TMEM175: variants seen among roughly 807,000 people sequenced by gnomAD.
TMEM175 encodes the protein endosomal/lysosomal proton channel TMEM175.
Under a neutral mutation model 36.5 loss-of-function variants are expected in TMEM175, and 36 were observed. The observed-to-expected ratio is 0.99, with a 90% CI of 0.76 to 1.30. The LOEUF is 1.30. TMEM175 is among the 50% of genes most tolerant of loss of function. The pLI is 0.00. For synonymous variants in TMEM175, 339 were observed against 313.4 expected (o/e 1.08, Z -0.86); for missense variants, 705 against 692.8 (o/e 1.02, Z -0.20).
At chr4:948,202 AG>A in intron 3 of TMEM175, 48 bp downstream of exon 3, 1 of 1,613,858 alleles carries the variant, frequency 6.2e-7, no homozygotes, top group Non-Finnish European at 8.5e-7. Flanking sequence ...GCGAAGATAT[AG>A]GGTCCCCGAG....
intron 1 of TMEM175, among the ~76,000 whole-genome samples, chr4:941,123 AT>A (rs1203551313): frequency 2.0e-5 from 3 of 150,358 alleles, no homozygotes; most frequent in Admixed American, 6.6e-5. Flanking sequence ...CACGCCTGTA[AT>A]CCCAACACTT....
rs756516977 is a variant in TMEM175 at position 955,799 on chromosome 4, G to C, written c.751G>C (p.Asp251His). ...SAHPVEVFSFDLHEPLSKERV... is the reference protein window; with the variant it reads ...SAHPVEVFSFHLHEPLSKERV... ...TCACCCAGTGGAAGTCTTCTCGTTT[G>C]ACCTCCACGAGCCACTCAGCAAGGA... Residue 251 changes from aspartate (D) to histidine (H), a missense_variant, in exon 10 of 11, where the codon GAC becomes CAC. By Grantham distance (81) the Asp-to-His change is moderately conservative. Transcript: ENST00000264771. 24 of 1,613,502 alleles carry C rather than the reference G, an allele frequency of 1.5e-5. No individual in the cohort carries two copies. The highest frequency in any genetic ancestry group is 2.0e-5 in the Non-Finnish European group (24 of 1,179,940).
rs561037696 is a variant in TMEM175, at chr4:936,195, T to C, written c.-32+3655T>C. 2.5e-4 allele frequency among the ~76,000 whole-genome samples: 38 copies of C among 151,536 alleles called. 1 individual carries two copies. In the East Asian group the frequency reaches 7.4e-3, roughly 29 times the overall value. ...ACTAAAAATACAAAAATTAGCTGGG[T>C]GTAGCAGTGCATGCCTGTGCACGCC... On this transcript the variant is annotated intron_variant, in intron 1 of 10. Transcript: ENST00000264771.
chr4:958,049 A>G lies in TMEM175; in HGVS notation c.1068A>G (p.Pro356=), dbSNP rs1328460429. 1.2e-6 allele frequency: 2 copies of G among 1,610,852 alleles called. No individual in the cohort carries two copies. The highest frequency in any genetic ancestry group is 1.7e-5 in the Admixed American group (1 of 59,986). The change falls in exon 11 of 11, where the codon CCA becomes CCG. Residue 356 remains proline (P), a synonymous_variant. Transcript: ENST00000264771. ...CGCTGGCCTTCGTGGGTGGCCTCCC[A>G]CTAGCCTACCAGCAGACCTCGGCCT... The part of the protein sequence containing the change: ...TLSLAFVGGL[P]LAYQQTSAFA...
At chr4:948,265 T>C in intron 3 of TMEM175, 111 bp downstream of exon 3, 2 of 1,605,304 alleles carry the variant, frequency 1.2e-6, no homozygotes, top group South Asian at 2.2e-5. Flanking sequence ...CTTCTGAGGC[T>C]TAGGAGGCAG....
chr4:953,382 C>T (rs1293347332), intron 8 of TMEM175, 28 bp downstream of exon 8: 1 of 1,575,286 alleles, frequency 6.3e-7, no homozygotes, highest in East Asian at 2.3e-5. Context: ...CCGTGGGGCC[C>T]AGGCAGGAAC....
In TMEM175 at chr4:940,960, T is replaced by C. The variant is rs1390829873; in HGVS notation, c.-31-6749T>C. ...GTCGGAGGTTGCAGTGAGCCAAGAT[T>C]GTGCCACTGCACTCCAGCCTGGGTG... On this transcript the variant is annotated intron_variant, in intron 1 of 10. Coordinates refer to ENST00000264771, the MANE Select transcript of TMEM175 (RefSeq NM_032326.4). Among the ~76,000 whole-genome samples, 31 of 149,414 alleles carry C rather than the reference T, an allele frequency of 2.1e-4. No individual in the cohort carries two copies. In the Middle Eastern group the frequency reaches 0.011, roughly 52 times the overall value.
intron 10 of TMEM175, chr4:956,896 C>T (rs1004660378): frequency 1.2e-5 from 2 of 169,966 alleles, no homozygotes; most frequent in African/African-American, 2.4e-5. Flanking sequence ...TCCTGATGCT[C>T]TTCTCTGCTG....
chr4:954,727 C>T (rs935852242), intron 8 of TMEM175, among the ~76,000 whole-genome samples: 11 of 152,216 alleles, frequency 7.2e-5, no homozygotes, highest in African/African-American at 2.7e-4. Context: ...AACCACCAAA[C>T]TTCCACAGCA....
Position 951,073 on chromosome 4 carries a change from G to A in TMEM175, c.291-134G>A. ...CGTGTTTTCCAAACTCCGTGCACTA[G>A]GTAGTAGTTTATATTTGGTTAACAG... On this transcript the variant is annotated intron_variant, in intron 4 of 10. Transcript: ENST00000264771. 5 of 889,958 alleles carry A rather than the reference G, an allele frequency of 5.6e-6. No homozygotes were observed. In the South Asian group the frequency reaches 6.0e-5, roughly 11 times the overall value. 55.1% of individuals were successfully genotyped at this position (889,958 alleles called of 1,614,324 possible).
chr4:955,962 G>A (rs1383299778), intron 10 of TMEM175, 72 bp downstream of exon 10: 56 of 1,563,568 alleles, frequency 3.6e-5, no homozygotes, highest in Non-Finnish European at 4.8e-5. Context: ...GTCTCATCCT[G>A]GAAACCCCAG....
At chr4:948,934 C>T (rs1025903320) in intron 3 of TMEM175, among the ~76,000 whole-genome samples, 1 of 152,160 alleles carries the variant, frequency 6.6e-6, no homozygotes, top group East Asian at 1.9e-4. Context: ...GATGATGAGA[C>T]TTTACATAGG....
intron 6 of TMEM175, chr4:952,002 A>G (rs1000873965): frequency 3.4e-6 from 2 of 585,846 alleles, no homozygotes; most frequent in African/African-American, 1.9e-5. Context: ...CCTGGCGTGC[A>G]GCCCCTACAG....
intron 1 of TMEM175, 50 bp from the exon 2 acceptor site, chr4:947,659 G>T (rs879767037): frequency 5.4e-6 from 8 of 1,489,352 alleles, no homozygotes; most frequent in South Asian, 2.6e-5. Context: ...CTGCATGGCC[G>T]ACCTCCAGGA....
At chr4:933,849 A>G (rs1726446280) in intron 1 of TMEM175, among the ~76,000 whole-genome samples, 1 of 152,244 alleles carries the variant, frequency 6.6e-6, no homozygotes, top group South Asian at 2.1e-4. Context: ...TTATGGAATG[A>G]AGTATTGCAT....
rs1384146453 is a variant in TMEM175 at position 947,812 on chromosome 4, G to A, written c.73G>A (p.Asp25Asn). The change falls in exon 2 of 11, where the codon GAC (aspartate) becomes AAC (asparagine). Residue 25 changes from aspartate (D) to asparagine (N), a missense_variant. Asp to Asn is a conservative substitution (Grantham distance 23). Coordinates refer to ENST00000264771, the MANE Select transcript of TMEM175 (RefSeq NM_032326.4). ...CTGCCCCCCAGGCAGGAGAGACGAG[G>A]ACGCTGGGGAGGGGATCCAGTGCTC... ...GDCPPGRRDE[D>N]AGEGIQCSQR... is the part of the protein sequence containing the mutation. The A allele has an allele frequency of 1.9e-6, 3 of 1,613,136 alleles. No homozygotes were observed. Among genetic ancestry groups the A allele is most frequent in the Middle Eastern group, 1.6e-4 (1 of 6,084 alleles).
chr4:957,256 C>T (rs1038385452), intron 10 of TMEM175, among the ~76,000 whole-genome samples: 12 of 152,260 alleles, frequency 7.9e-5, no homozygotes, highest in South Asian at 4.1e-4. Context: ...CTTCACTTCC[C>T]GATGTTGAAG....
intron 4 of TMEM175, 74 bp from the exon 5 acceptor site, chr4:951,133 C>T: frequency 5.2e-6 from 7 of 1,348,506 alleles, no homozygotes; most frequent in Non-Finnish European, 7.4e-6. Flanking sequence ...CCAGAAGATG[C>T]TGGAAAGAGT....
intron 8 of TMEM175, among the ~76,000 whole-genome samples, chr4:953,586 C>T (rs978268004): frequency 1.3e-5 from 2 of 152,218 alleles, no homozygotes; most frequent in African/African-American, 4.8e-5. Flanking sequence ...GGACGCTCAT[C>T]GAAGGAAGGG....
Sources: allele counts gnomAD v4.1 joint callset (sites outside exome capture counted in the v4.1 genomes callset), GRCh38; gene constraint gnomAD v4.1.1; transcripts MANE v1.5; gene names NCBI Gene and HGNC (gene_info 2026-07-23, HGNC 2026-07-21).